Variants in UCN3 observed in about 807,000 individuals in gnomAD.
UCN3 encodes the protein urocortin-3.
In UCN3, 3 loss-of-function variants were observed where a neutral mutation model predicts 3.6. That is an observed-to-expected ratio of 0.83 (90% CI 0.38 to 2.15). UCN3 has a LOEUF of 2.15. Among genes scored for constraint, UCN3 ranks in the 30% most tolerant of loss-of-function variants. The pLI is 0.06. For missense variants in UCN3, 206 were observed against 208.3 expected (o/e 0.99, Z 0.07); for synonymous variants, 100 against 93.2 (o/e 1.07, Z -0.42).
In UCN3 at chr10:5,366,539, T is replaced by A. The variant is rs553712066; in HGVS notation, c.-7+1309T>A. On this transcript the variant is annotated intron_variant, in intron 1 of 1. Transcript: ENST00000380433. The surrounding 1 kb of genome is among the most constrained non-coding windows in gnomAD (Gnocchi z 4.2). ...AGTATCTTTTCTTCTTTGGGGAGAGTTCCTTTTCTTTTATCCTATAAACCC... is the reference window on the plus strand; with the variant it reads ...AGTATCTTTTCTTCTTTGGGGAGAGATCCTTTTCTTTTATCCTATAAACCC... 6.6e-6 allele frequency among the ~76,000 whole-genome samples: 1 copy of A among 152,126 alleles called. No homozygotes were observed. The highest frequency in any genetic ancestry group is 2.1e-4 in the South Asian group (1 of 4,812).
In UCN3 at chr10:5,371,301, C is replaced by CTATATG. The variant is rs1223190956; in HGVS notation, c.-6-2410_-6-2405dup. 1.3e-5 allele frequency among the ~76,000 whole-genome samples: 2 copies of CTATATG among 149,868 alleles called. 1 individual carries two copies. The highest frequency in any genetic ancestry group is 5.0e-5 in the African/African-American group (2 of 39,908). ...CATGTATATATGTGTGTGCATGTGTCTATATGTATGTGTATGTACGTGTAA... is the reference window on the plus strand; with the variant it reads ...CATGTATATATGTGTGTGCATGTGTCTATATGTATATGTATGTGTATGTACGTGTAA... On this transcript the variant is annotated intron_variant, in intron 1 of 1. Transcript: ENST00000380433.
rs782202388 is a variant in UCN3, at chr10:5,373,870, T to G, written c.150T>G (p.Asp50Glu). The change falls in exon 2 of 2, where the codon GAT becomes GAG. Residue 50 changes from aspartate (D) to glutamate (E), a missense_variant. By Grantham distance (45) the Asp-to-Glu change is conservative (BLOSUM62 2). Transcript: ENST00000380433. ...AGGCTGAGAAGGGCCAGTGGGAGGA[T>G]GCATCCCTGCTGAGCAAGAGGAGCT... Reference protein sequence around the residue: ...LSEAEKGQWEDASLLSKRSFH... With the variant: ...LSEAEKGQWEEASLLSKRSFH... 3.7e-6 allele frequency: 6 copies of G among 1,614,044 alleles called. No individual in the cohort carries two copies. The highest frequency in any genetic ancestry group is 1.6e-4 in the Middle Eastern group (1 of 6,062).
intron 1 of UCN3, among the ~76,000 whole-genome samples, chr10:5,370,767 G>A (rs919920340): frequency 7.3e-6 from 1 of 136,596 alleles, no homozygotes; most frequent in Admixed American, 7.2e-5. Flanking sequence ...GTGTATATGC[G>A]TGTGTATATG....
chr10:5,370,850 CGCGTGTGTGTGCGTGTGTATGTGT>C (rs1831404312), intron 1 of UCN3, among the ~76,000 whole-genome samples: 1 of 63,652 alleles, frequency 1.6e-5, no homozygotes, highest in Non-Finnish European at 3.0e-5. Flanking sequence ...CGTGTGTGTG[CGCGTGTGTGTGCGTGTGTATGTGT>C]GTGTATATGC....
At chr10:5,370,433 ATATGCGTGTG>A (rs1831363940) in intron 1 of UCN3, among the ~76,000 whole-genome samples, 1 of 68,920 alleles carries the variant, frequency 1.5e-5, no homozygotes, top group African/African-American at 5.9e-5. Context: ...ATGCGTGTGT[ATATGCGTGTG>A]TATGTGTGTG....
rs1831384589 is a variant in UCN3, at chr10:5,370,671, GTGTATGTGTGTGTGTATGTGTGTA to G, written c.-6-3042_-6-3019del. Among the ~76,000 whole-genome samples the G allele has an allele frequency of 1.8e-5, 2 of 110,992 alleles. 1 individual carries two copies. Among genetic ancestry groups the G allele is most frequent in the African/African-American group, 6.9e-5 (2 of 28,948 alleles). The allele number at this position is 110,992 out of a possible 152,430, so 72.8% of individuals were successfully genotyped here. On this transcript the variant is annotated intron_variant, in intron 1 of 1. Coordinates refer to ENST00000380433, the MANE Select transcript of UCN3 (RefSeq NM_053049.4). ...TGTGTGTGTATGTGTGTGTATGTGT[GTGTATGTGTGTGTGTATGTGTGTA>G]TATGTGTGTGTATATGATGTGTGTG... is the stretch of plus-strand genomic sequence containing the variant.
At chr10:5,370,481 ATGTG>A (rs1298485200) in intron 1 of UCN3, among the ~76,000 whole-genome samples, 4 of 21,724 alleles carry the variant, frequency 1.8e-4, no homozygotes, top group South Asian at 2.7e-3. Context: ...GCGTGTGTAT[ATGTG>A]TGTATGTGTG....
intron 1 of UCN3, 146 bp from the exon 2 acceptor site, chr10:5,373,569 C>T (rs1444670894): frequency 1.5e-6 from 2 of 1,330,594 alleles, no homozygotes; most frequent in Non-Finnish European, 2.0e-6. Context: ...AAGTCCCAGC[C>T]CGGGCTGATG....
chr10:5,370,766 CGTGTGTATATGCGTGT>C (rs1371409176), intron 1 of UCN3, among the ~76,000 whole-genome samples: 13 of 75,550 alleles, frequency 1.7e-4, no homozygotes, highest in Admixed American at 8.7e-4. Context: ...TGTGTATATG[CGTGTGTATATGCGTGT>C]GTGTGTGTAT....
rs1564443816 is a variant in UCN3 at position 5,370,915 on chromosome 10, A to ATATGTGTGTGTT, written c.-6-2796_-6-2795insTGTGTGTTTATG. The stretch of plus-strand genomic sequence containing the variant: ...TATATGCGTGTGTATATGCGTGTGT[A>ATATGTGTGTGTT]TATGCGTGTGTATATGTGTGTTCAT... On this transcript the variant is annotated intron_variant, in intron 1 of 1. Coordinates refer to ENST00000380433, the MANE Select transcript of UCN3 (RefSeq NM_053049.4). Among the ~76,000 whole-genome samples, 792 of 100,436 alleles carry ATATGTGTGTGTT rather than the reference A, an allele frequency of 7.9e-3. 44 individuals carry two copies. Among genetic ancestry groups the ATATGTGTGTGTT allele is most frequent in the South Asian group, 0.025 (64 of 2,572 alleles). The allele number at this position is 100,436 out of a possible 152,430, so 65.9% of individuals were successfully genotyped here. A position where few individuals can be genotyped will look rare whatever the true frequency, so the allele number is the denominator to read the frequency against.
Position 5,370,238 on chromosome 10 carries a change from C to T in UCN3, c.-6-3477C>T, listed in dbSNP as rs782655101. ...GTGTGTGTATGTGCGTGTGTGTATG[C>T]GTGTGTGTATGCGTGTGTATATGCG... On this transcript the variant is annotated intron_variant, in intron 1 of 1. Transcript: ENST00000380433. Among the ~76,000 whole-genome samples the T allele has an allele frequency of 2.6e-3, 31 of 11,708 alleles. 1 individual carries two copies. Among genetic ancestry groups the T allele is most frequent in the East Asian group, 9.9e-3 (2 of 202 alleles). The allele number at this position is 11,708 out of a possible 152,430, so 7.7% of individuals were successfully genotyped here. A position where few individuals can be genotyped will look rare whatever the true frequency, so the allele number is the denominator to read the frequency against.
In UCN3 at chr10:5,370,920, C is replaced by CGTGTGTATGT. The variant is rs1831412690; in HGVS notation, c.-6-2787_-6-2786insGTGTGTGTAT. On this transcript the variant is annotated intron_variant, in intron 1 of 1. Coordinates refer to ENST00000380433, the MANE Select transcript of UCN3 (RefSeq NM_053049.4). ...GCGTGTGTATATGCGTGTGTATATG[C>CGTGTGTATGT]GTGTGTATATGTGTGTTCATGTGTA... 8.2e-5 allele frequency among the ~76,000 whole-genome samples: 9 copies of CGTGTGTATGT among 109,846 alleles called. 1 individual carries two copies. The highest frequency in any genetic ancestry group is 6.1e-4 in the East Asian group (2 of 3,254). 72.1% of individuals were successfully genotyped at this position (109,846 alleles called of 152,430 possible). A position where few individuals can be genotyped will look rare whatever the true frequency, so the allele number is the denominator to read the frequency against.
chr10:5,370,223 G>GTGTGTGTGTATGTGTGTGTGTATA lies in UCN3; in HGVS notation c.-6-3490_-6-3489insTGTGTGTATGTGTGTGTGTATATG, dbSNP rs781842004. 5.2e-3 allele frequency among the ~76,000 whole-genome samples: 71 copies of GTGTGTGTGTATGTGTGTGTGTATA among 13,766 alleles called. 24 individuals carry two copies. The highest frequency in any genetic ancestry group is 0.025 in the African/African-American group (41 of 1,644). 9.0% of individuals were successfully genotyped at this position (13,766 alleles called of 152,430 possible). Reference sequence around the variant, plus strand: ...TATATGCGTGTGTATGTGTGTGTATGTGCGTGTGTGTATGCGTGTGTGTAT... The same window carrying GTGTGTGTGTATGTGTGTGTGTATA: ...TATATGCGTGTGTATGTGTGTGTATGTGTGTGTGTATGTGTGTGTGTATATGCGTGTGTGTATGCGTGTGTGTAT... On this transcript the variant is annotated intron_variant, in intron 1 of 1. Transcript: ENST00000380433.
At chr10:5,370,313 G>GTGTATATGCGTGTA (rs368038908) in intron 1 of UCN3, among the ~76,000 whole-genome samples, 1 of 36,058 alleles carries the variant, frequency 2.8e-5, no homozygotes, top group Non-Finnish European at 5.2e-5. Flanking sequence ...GTATATGCGT[G>GTGTATATGCGTGTA]TATGTGTGTG....
Position 5,374,607 on chromosome 10 carries a change from G to T in UCN3, c.*401G>T. ...TCTCCCACACATCAACTTCTTCCAG[G>T]GCAGAAAGAGGAGCTGCAGCACTCG... On this transcript the variant is annotated 3_prime_UTR_variant, in exon 2 of 2. Coordinates refer to ENST00000380433, the MANE Select transcript of UCN3 (RefSeq NM_053049.4). 1 of 165,800 alleles carries T rather than the reference G, an allele frequency of 6.0e-6. No individual in the cohort carries two copies. The highest frequency in any genetic ancestry group is 1.3e-5 in the Non-Finnish European group (1 of 76,406). 10.3% of individuals were successfully genotyped at this position (165,800 alleles called of 1,614,324 possible).
rs781918514 is a variant in UCN3, at chr10:5,373,908, G to A, written c.188G>A (p.Arg63His). The stretch of plus-strand genomic sequence containing the variant: ...AGCAAGAGGAGCTTCCACTACCTGC[G>A]CAGCAGAGACGCCTCTTCGGGAGAG... ...LLSKRSFHYL[R>H]SRDASSGEEE... The change falls in exon 2 of 2, where the codon CGC (arginine) becomes CAC (histidine). Residue 63 changes from arginine (R) to histidine (H), a missense_variant. By Grantham distance (29) the Arg-to-His change is conservative. Coordinates refer to ENST00000380433, the MANE Select transcript of UCN3 (RefSeq NM_053049.4). 17 of 1,613,792 alleles carry A rather than the reference G, an allele frequency of 1.1e-5. No homozygotes were observed. The highest frequency in any genetic ancestry group is 1.7e-5 in the Admixed American group (1 of 59,978).
At chr10:5,370,859 GTGCGTGTGTATGTGTGTGTATA>G (rs1831406125) in intron 1 of UCN3, among the ~76,000 whole-genome samples, 2 of 113,584 alleles carry the variant, frequency 1.8e-5, no homozygotes, top group South Asian at 3.6e-4. Flanking sequence ...GCGCGTGTGT[GTGCGTGTGTATGTGTGTGTATA>G]TGCGTGTGTA....
Position 5,374,184 on chromosome 10 carries a change from C to A in UCN3, c.464C>A (p.Ala155Glu), listed in dbSNP as rs377737986. 10 of 1,602,854 alleles carry A rather than the reference C, an allele frequency of 6.2e-6. No individual in the cohort carries two copies. In the South Asian group the frequency reaches 6.6e-5, roughly 11 times the overall value. The part of the protein sequence containing the change: ...AQAAANAHLM[A>E]QIGRKK ...GCGGCCGCCAATGCCCACCTGATGG[C>A]GCAAATTGGGAGGAAGAAGTAGAGG... Residue 155 changes from alanine (A) to glutamate (E), a missense_variant, in exon 2 of 2, where the codon GCG (alanine) becomes GAG (glutamate). Physicochemically the swap from Ala to Glu is moderately radical, Grantham distance 107. Transcript: ENST00000380433.
Position 5,367,444 on chromosome 10 carries a change from T to C in UCN3, c.-7+2214T>C, listed in dbSNP as rs929530188. On this transcript the variant is annotated intron_variant, in intron 1 of 1. Transcript: ENST00000380433. This position sits in a 1 kb window ranked among gnomAD's most constrained non-coding sequence, Gnocchi z 4.3. ...GCTTTGGAAAATAAATTGATTTAAT[T>C]AAGTGCCTGAATACTAATCTGAATT... is the stretch of plus-strand genomic sequence containing the variant. 1.3e-5 allele frequency among the ~76,000 whole-genome samples: 2 copies of C among 152,240 alleles called. No homozygotes were observed. Among genetic ancestry groups the C allele is most frequent in the Non-Finnish European group, 2.9e-5 (2 of 68,036 alleles).
Sources: allele counts gnomAD v4.1 joint callset (sites outside exome capture counted in the v4.1 genomes callset), GRCh38; gene constraint gnomAD v4.1.1; non-coding constraint Gnocchi (gnomAD v3.1); transcripts MANE v1.5; gene names NCBI Gene and HGNC (gene_info 2026-07-23, HGNC 2026-07-21).